Variants in VAV3 observed in about 807,000 individuals in gnomAD.
VAV3 encodes the protein vav guanine nucleotide exchange factor 3.
Under a neutral mutation model 131.2 loss-of-function variants are expected in VAV3, and 94 were observed. The ratio of observed to expected loss-of-function variants is 0.72; its 90% CI spans 0.61 to 0.85. VAV3 has a LOEUF of 0.85. VAV3 is among the 40% of genes least tolerant of loss of function. VAV3 has a pLI of 0.00. For missense variants in VAV3, 939 were observed against 1,002.7 expected, an observed-to-expected ratio of 0.94 and a Z score of 0.86; for synonymous variants, 349 against 342.0, an observed-to-expected ratio of 1.02 and a Z score of -0.22.
intron 12 of VAV3, among the ~76,000 whole-genome samples, chr1:107,753,547 T>TAC (rs746164101): frequency 1.7e-4 from 8 of 48,434 alleles, no homozygotes; most frequent in East Asian, 1.0e-3. Flanking sequence ...TATATATATA[T>TAC]ATACACACAC....
intron 15 of VAV3, among the ~76,000 whole-genome samples, chr1:107,729,416 T>C (rs2101961191): frequency 6.6e-6 from 1 of 152,092 alleles, no homozygotes; most frequent in Admixed American, 6.6e-5. Context: ...CAAAGAAAAA[T>C]GCAGAAAGTC....
chr1:107,584,191 A>C (rs969719313), intron 25 of VAV3, among the ~76,000 whole-genome samples: 1 of 152,246 alleles, frequency 6.6e-6, no homozygotes, highest in African/African-American at 2.4e-5. Flanking sequence ...GTGCTGGGAA[A>C]ACTGGCTAGC....
intron 9 of VAV3, among the ~76,000 whole-genome samples, chr1:107,764,155 T>C (rs554442372): frequency 1.6e-4 from 24 of 152,184 alleles, no homozygotes; most frequent in Non-Finnish European, 2.9e-4. Context: ...CCTAGGTTTC[T>C]AGACTTATAT....
chr1:107,645,573 A>G (rs757978123), intron 19 of VAV3, among the ~76,000 whole-genome samples: 4 of 152,076 alleles, frequency 2.6e-5, no homozygotes, highest in Non-Finnish European at 5.9e-5. Flanking sequence ...ATATCTTTCC[A>G]CTTATGAAAA....
intron 2 of VAV3, among the ~76,000 whole-genome samples, chr1:107,835,566 C>T (rs1414186439): frequency 6.6e-6 from 1 of 152,084 alleles, no homozygotes; most frequent in Non-Finnish European, 1.5e-5. Flanking sequence ...CCCAATGTAG[C>T]CTCATGGCCT....
intron 19 of VAV3, among the ~76,000 whole-genome samples, chr1:107,666,355 C>T (rs1357431494): frequency 6.6e-6 from 1 of 152,072 alleles, no homozygotes; most frequent in Admixed American, 6.6e-5. Flanking sequence ...AAATATAGTT[C>T]TTGGAGAATG....
At chr1:107,626,064 T>C (rs1342617978) in intron 20 of VAV3, among the ~76,000 whole-genome samples, 1 of 152,220 alleles carries the variant, frequency 6.6e-6, no homozygotes, top group Non-Finnish European at 1.5e-5. Flanking sequence ...TCTACTTAGA[T>C]GGCACTGTCC....
chr1:107,964,408 T>A, intron 1 of VAV3: 1 of 412,544 alleles, frequency 2.4e-6, no homozygotes, highest in South Asian at 3.7e-5. Flanking sequence ...ACTTATTTCT[T>A]TCCCGCCTCA....
At chr1:107,581,330 C>A (rs1451978297) in intron 25 of VAV3, among the ~76,000 whole-genome samples, 1 of 152,162 alleles carries the variant, frequency 6.6e-6, no homozygotes, top group Non-Finnish European at 1.5e-5. Context: ...GTGTATGACA[C>A]CTGGCTCTCA....
chr1:107,936,547 G>A (rs764686916), intron 1 of VAV3, among the ~76,000 whole-genome samples: 1 of 152,050 alleles, frequency 6.6e-6, no homozygotes, highest in Non-Finnish European at 1.5e-5. Context: ...AGCCTTAGTC[G>A]GCAACTTCTG....
chr1:107,663,841 T>C (rs184442815), intron 19 of VAV3, among the ~76,000 whole-genome samples: 62 of 152,326 alleles, frequency 4.1e-4, no homozygotes, highest in African/African-American at 1.4e-3. Flanking sequence ...TGATTTTCAC[T>C]TGAAGATTCT....
At chr1:107,583,656 T>C (rs1194358983) in intron 25 of VAV3, among the ~76,000 whole-genome samples, 2 of 152,110 alleles carry the variant, frequency 1.3e-5, no homozygotes, top group Non-Finnish European at 2.9e-5. Context: ...CCATTCACAA[T>C]TGCTTCAAAG....
intron 15 of VAV3, among the ~76,000 whole-genome samples, chr1:107,712,858 T>C (rs1270912912): frequency 6.6e-6 from 1 of 152,186 alleles, no homozygotes; most frequent in Non-Finnish European, 1.5e-5. Flanking sequence ...AAGATCACGT[T>C]AGGAAAACTT....
chr1:107,813,967 A>AGTGTGTGTGTGTGTGTGT (rs58318688), intron 2 of VAV3, among the ~76,000 whole-genome samples: 17 of 135,858 alleles, frequency 1.3e-4, no homozygotes, highest in South Asian at 7.8e-4. Flanking sequence ...ATAGTACTCC[A>AGTGTGTGTGTGTGTGTGT]GTGTGTGTGT....
chr1:107,734,309 G>A (rs889062976), intron 15 of VAV3, among the ~76,000 whole-genome samples: 7 of 152,108 alleles, frequency 4.6e-5, no homozygotes, highest in African/African-American at 7.2e-5. Context: ...CAACTAACGG[G>A]CAAAATAACC....
chr1:107,604,946 G>C (rs1033755441), intron 22 of VAV3, among the ~76,000 whole-genome samples: 3 of 152,028 alleles, frequency 2.0e-5, no homozygotes, highest in Admixed American at 6.6e-5. Flanking sequence ...TTAAACATAA[G>C]GAAGGAAAAC....
chr1:107,803,267 C>G (rs541761377), intron 2 of VAV3, among the ~76,000 whole-genome samples: 1 of 151,890 alleles, frequency 6.6e-6, no homozygotes, highest in Admixed American at 6.6e-5. Flanking sequence ...TATTGTTTAT[C>G]TTTTCAGAAA....
chr1:107,574,190 G>T lies in VAV3; in HGVS notation c.2359C>A (p.Pro787Thr). ...GCGATGGCAATGCCCAGCACTTTTGGACTTAACACTGTCAAGAAATGACAA... is the reference window on the plus strand; with the variant it reads ...GCGATGGCAATGCCCAGCACTTTTGTACTTAACACTGTCAAGAAATGACAA... ...GNRAGNSLLS[P>T]KVLGIAIARY... Residue 787 changes from proline (P) to threonine (T), a missense_variant, in exon 26 of 27, where the codon CCA becomes ACA. Coordinates refer to ENST00000370056, the MANE Select transcript of VAV3 (RefSeq NM_006113.5). 6.2e-7 allele frequency: 1 copy of T among 1,612,986 alleles called. No individual in the cohort carries two copies. Among genetic ancestry groups the T allele is most frequent in the Non-Finnish European group, 8.5e-7 (1 of 1,179,682 alleles).
intron 19 of VAV3, among the ~76,000 whole-genome samples, chr1:107,645,462 T>C (rs1364344671): frequency 6.6e-6 from 1 of 152,048 alleles, no homozygotes; most frequent in Non-Finnish European, 1.5e-5. Context: ...CACAGCGATA[T>C]AATGAATTCT....
Sources: gnomAD v4.1 joint callset for allele counts (sites outside exome capture counted in the v4.1 genomes callset) on GRCh38, gnomAD v4.1.1 for gene constraint, MANE v1.5 for transcripts, NCBI Gene and HGNC (gene_info 2026-07-23, HGNC 2026-07-21) for gene names.